Variants in CES5A observed in about 807,000 individuals in gnomAD.
CES5A encodes carboxylesterase 5.
CES5A carries 67 observed loss-of-function variants against 62.9 expected under a neutral mutation model. The ratio of observed to expected loss-of-function variants is 1.07; its 90% CI spans 0.88 to 1.31. The LOEUF (loss-of-function observed/expected upper bound fraction) is 1.31, where lower values mean the gene tolerates loss of function less well. Ranked by LOEUF, CES5A falls within the 50% of genes most tolerant of loss-of-function variation. The pLI is 0.00. For synonymous variants in CES5A, 296 were observed against 280.8 expected (o/e 1.05, Z -0.54); for missense variants, 748 against 708.5 (o/e 1.06, Z -0.63).
intron 1 of CES5A, among the ~76,000 whole-genome samples, chr16:55,898,969 T>C (rs2142440026): frequency 6.6e-6 from 1 of 152,290 alleles, no homozygotes; most frequent in South Asian, 2.1e-4. Context: ...AGAGGTTTTC[T>C]TAAGTTCCTA....
At chr16:55,901,167 G>A (rs2033986864) in intron 1 of CES5A, among the ~76,000 whole-genome samples, 1 of 152,140 alleles carries the variant, frequency 6.6e-6, no homozygotes, top group African/African-American at 2.4e-5. Context: ...AGTCTCACAA[G>A]ATCTGATGGT....
intron 1 of CES5A, among the ~76,000 whole-genome samples, chr16:55,888,015 G>C (rs2033835210): frequency 6.6e-6 from 1 of 152,132 alleles, no homozygotes; most frequent in Non-Finnish European, 1.5e-5. Flanking sequence ...GTGATACCTG[G>C]ACATAGGAAT....
At position 55,865,989 on chromosome 16, in the gene CES5A, C is replaced by T. The variant is rs566610044; in HGVS notation, c.679G>A (p.Ala227Thr). The change falls in exon 5 of 13, where the codon GCG becomes ACG. Residue 227 changes from alanine to threonine, a missense_variant. Transcript: ENST00000290567. ...AGACTAGAAACACTTATGGCTCCCG[C>T]GGACTCGCCAAAGATGGTCACAGAG... Reference protein sequence around the residue: ...PSSVTIFGESAGAISVSSLIL... With the variant: ...PSSVTIFGESTGAISVSSLIL... 41 of 1,614,236 alleles carry T rather than the reference C, an allele frequency of 2.5e-5. No homozygotes were observed. In the East Asian group the frequency reaches 3.1e-4, roughly 12 times the overall value.
Position 55,865,993 on chromosome 16 carries a change from C to G in CES5A, c.675G>C (p.Glu225Asp), listed in dbSNP as rs1397446067. ...TAGAAACACTTATGGCTCCCGCGGA[C>G]TCGCCAAAGATGGTCACAGAGCTGG... ...GDPSSVTIFG[E>D]SAGAISVSSL... Residue 225 changes from glutamate (E) to aspartate (D), a missense_variant, in exon 5 of 13, where the codon GAG (glutamate) becomes GAC (aspartate). Coordinates refer to ENST00000290567, the MANE Select transcript of CES5A (RefSeq NM_001143685.2). 6.2e-7 allele frequency: 1 copy of G among 1,614,248 alleles called. No homozygotes were observed. Among genetic ancestry groups the G allele is most frequent in the Non-Finnish European group, 8.5e-7 (1 of 1,180,040 alleles).
chr16:55,879,051 A>G (rs1333325520), upstream of CES5A, among the ~76,000 whole-genome samples: 2 of 96,048 alleles, frequency 2.1e-5, no homozygotes, highest in Admixed American at 1.0e-4. Flanking sequence ...CACTGCACCC[A>G]CATCACTGCA....
intron 2 of CES5A, among the ~76,000 whole-genome samples, chr16:55,873,166 C>T (rs986597771): frequency 2.6e-5 from 4 of 152,106 alleles, no homozygotes; most frequent in Non-Finnish European, 5.9e-5. Context: ...TCTCACTGCC[C>T]ACCCAGTAAG....
At chr16:55,848,794 G>T (rs982021533) in intron 11 of CES5A, among the ~76,000 whole-genome samples, 1 of 152,158 alleles carries the variant, frequency 6.6e-6, no homozygotes, top group Non-Finnish European at 1.5e-5. Context: ...TATGGGCTCA[G>T]GAATGGTTGC....
chr16:55,906,648 AC>A (rs1482457676), intron 1 of CES5A, among the ~76,000 whole-genome samples: 1 of 152,206 alleles, frequency 6.6e-6, no homozygotes, highest in Non-Finnish European at 1.5e-5. Flanking sequence ...TGTGCTGGGT[AC>A]CAGAATTGGA....
At chr16:55,928,910 C>G (rs1367173779), upstream of CES5A, among the ~76,000 whole-genome samples, 1 of 152,186 alleles carries the variant, frequency 6.6e-6, no homozygotes. Flanking sequence ...CCAGGTGACT[C>G]TGACCTCACA....
intron 1 of CES5A, among the ~76,000 whole-genome samples, chr16:55,890,563 A>G (rs2033866323): frequency 1.3e-5 from 2 of 152,174 alleles, no homozygotes; most frequent in Admixed American, 1.3e-4. Context: ...CCCACAAAGG[A>G]CCTTATGAAA....
intron 6 of CES5A, among the ~76,000 whole-genome samples, chr16:55,862,851 G>A (rs2033380830): frequency 6.6e-6 from 1 of 152,028 alleles, no homozygotes; most frequent in South Asian, 2.1e-4. Context: ...TGGTCTCTAG[G>A]GCATCACTAT....
intron 1 of CES5A, among the ~76,000 whole-genome samples, chr16:55,916,206 A>G (rs1214231237): frequency 6.6e-6 from 1 of 152,208 alleles, no homozygotes; most frequent in East Asian, 1.9e-4. Flanking sequence ...CAAATGGCCA[A>G]TCTTAGGATC....
chr16:55,905,162 T>C (rs1169270767), intron 1 of CES5A, among the ~76,000 whole-genome samples: 2 of 152,098 alleles, frequency 1.3e-5, no homozygotes, highest in African/African-American at 4.8e-5. Context: ...CCAGACTTCT[T>C]ACAGCAGCAA....
intron 1 of CES5A, among the ~76,000 whole-genome samples, chr16:55,892,565 C>T (rs1215564511): frequency 6.6e-6 from 1 of 151,908 alleles, no homozygotes; most frequent in Non-Finnish European, 1.5e-5. Flanking sequence ...ATAAAAAATG[C>T]CTAGCTTAAT....
chr16:55,899,636 G>C (rs1343138427), intron 1 of CES5A, among the ~76,000 whole-genome samples: 7 of 152,164 alleles, frequency 4.6e-5, no homozygotes, highest in Admixed American at 4.6e-4. Flanking sequence ...AGTTTTACTA[G>C]GTTAAAGCAG....
At chr16:55,940,876 T>A (rs115894699) in intron 2 of CES5A, among the ~76,000 whole-genome samples, 25 of 151,914 alleles carry the variant, frequency 1.6e-4, no homozygotes, top group African/African-American at 6.0e-4. Flanking sequence ...TGTAATCTAC[T>A]ATATTAAAAT....
intron 1 of CES5A, among the ~76,000 whole-genome samples, chr16:55,906,723 A>T (rs1202948005): frequency 6.6e-6 from 1 of 152,182 alleles, no homozygotes; most frequent in Non-Finnish European, 1.5e-5. Flanking sequence ...TTCAGAAGAG[A>T]TATTTTTAAG....
intron 11 of CES5A, 66 bp downstream of exon 11, chr16:55,849,558 C>G: frequency 6.4e-7 from 1 of 1,563,162 alleles, no homozygotes; most frequent in Non-Finnish European, 8.7e-7. Flanking sequence ...GTCCTCCAGG[C>G]GCTTGCATCG....
upstream of CES5A, among the ~76,000 whole-genome samples, chr16:55,926,688 C>T (rs576053363): frequency 6.6e-6 from 1 of 152,290 alleles, no homozygotes; most frequent in African/African-American, 2.4e-5. Context: ...TGGAGAAGGA[C>T]TCTCTGGTGA....
Sources: gnomAD v4.1 joint callset for allele counts (sites outside exome capture counted in the v4.1 genomes callset) on GRCh38, gnomAD v4.1.1 for gene constraint, MANE v1.5 for transcripts, NCBI Gene and HGNC (gene_info 2026-07-23, HGNC 2026-07-21) for gene names.